The following GLDN variants were observed in gnomAD, a reference collection of about 807,000 sequenced individuals.
GLDN encodes collomin.
In GLDN, 47 loss-of-function variants were observed where a neutral mutation model predicts 56.5. The observed-to-expected ratio is 0.83, with a 90% CI of 0.66 to 1.06. The LOEUF is 1.06. Ranked by LOEUF, GLDN falls within the 50% of genes least tolerant of loss-of-function variation. The probability of loss-of-function intolerance (pLI) is 0.00; values close to 1 mark genes in which losing one functional copy is unlikely to be tolerated. For missense variants in GLDN, 782 were observed against 714.3 expected, an observed-to-expected ratio of 1.09 and a Z score of -1.08; for synonymous variants, 332 against 278.8, an observed-to-expected ratio of 1.19 and a Z score of -1.90.
chr15:51,368,364 G>A (rs1380432912), intron 1 of GLDN, among the ~76,000 whole-genome samples: 1 of 152,086 alleles, frequency 6.6e-6, no homozygotes, highest in Non-Finnish European at 1.5e-5. Context: ...AGTCAGTAGG[G>A]ACTGGGCTTT....
intron 1 of GLDN, among the ~76,000 whole-genome samples, chr15:51,343,332 T>C (rs28485857): frequency 2.5e-3 from 377 of 150,578 alleles, no homozygotes; most frequent in African/African-American, 9.1e-3. Flanking sequence ...AAGCAGAAGT[T>C]TCAAAAAAGG....
chr15:51,369,765 A>T (rs2037477901), intron 1 of GLDN, among the ~76,000 whole-genome samples: 1 of 152,242 alleles, frequency 6.6e-6, no homozygotes, highest in Non-Finnish European at 1.5e-5. Context: ...TATGAAAAGT[A>T]CACTAAAGCA....
intron 9 of GLDN, 44 bp downstream of exon 9, chr15:51,401,787 C>A (rs770336395): frequency 1.7e-5 from 27 of 1,586,356 alleles, no homozygotes; most frequent in Non-Finnish European, 2.2e-5. Context: ...CAGGCAGCAC[C>A]TGTGCTGTGG....
intron 4 of GLDN, among the ~76,000 whole-genome samples, chr15:51,388,876 C>G (rs12591997): frequency 6.6e-6 from 1 of 152,318 alleles, no homozygotes; most frequent in East Asian, 1.9e-4. Flanking sequence ...GGGCTTCAGA[C>G]ACGCTCCAAT....
At chr15:51,408,059 T>C (rs1423399919), downstream of GLDN, 1 of 152,230 alleles carries the variant, frequency 6.6e-6, no homozygotes, top group African/African-American at 2.4e-5. Context: ...TACGTAACAT[T>C]TAAAAGAAAA....
intron 1 of GLDN, chr15:51,367,340 G>A (rs2037425923): frequency 6.6e-6 from 1 of 152,268 alleles, no homozygotes; most frequent in Non-Finnish European, 1.5e-5. Flanking sequence ...TGGCGTGCAG[G>A]CGTTTGCTGG....
At chr15:51,391,705 G>A (rs1374613270) in intron 4 of GLDN, among the ~76,000 whole-genome samples, 1 of 152,204 alleles carries the variant, frequency 6.6e-6, no homozygotes, top group Non-Finnish European at 1.5e-5. Context: ...GTGCTATTGT[G>A]AGGGAGGTAT....
chr15:51,347,458 G>A (rs2036998241), intron 1 of GLDN, among the ~76,000 whole-genome samples: 1 of 152,078 alleles, frequency 6.6e-6, no homozygotes, highest in Non-Finnish European at 1.5e-5. Flanking sequence ...TAGCATTAGT[G>A]TATTTTATGT....
chr15:51,352,384 G>A (rs1428149716), intron 1 of GLDN, among the ~76,000 whole-genome samples: 1 of 152,112 alleles, frequency 6.6e-6, no homozygotes, highest in Non-Finnish European at 1.5e-5. Flanking sequence ...TTGATGATTA[G>A]GTTTCAATGT....
intron 1 of GLDN, among the ~76,000 whole-genome samples, chr15:51,344,756 T>C (rs567347346): frequency 3.9e-5 from 6 of 152,356 alleles, no homozygotes; most frequent in African/African-American, 1.4e-4. Flanking sequence ...TTATCCAAGA[T>C]GAACCTCAAT....
chr15:51,363,647 A>G (rs1595811110), intron 1 of GLDN, among the ~76,000 whole-genome samples: 1 of 152,314 alleles, frequency 6.6e-6, no homozygotes, highest in East Asian at 1.9e-4. Context: ...CACAAGCAAT[A>G]GATAATAGGA....
In GLDN at chr15:51,353,967, G is replaced by A. The variant is rs984232801; in HGVS notation, c.363+11920G>A. On this transcript the variant is annotated intron_variant, in intron 1 of 9. Transcript: ENST00000335449. ...AAAGGGAGCATTTTGCAGCCCATCC[G>A]TTGCTTTTATGTAGATCTTTAACAG... Among the ~76,000 whole-genome samples the A allele has an allele frequency of 1.7e-4, 26 of 152,262 alleles. 1 individual carries two copies. The highest frequency in any genetic ancestry group is 4.2e-4 in the South Asian group (2 of 4,818).
At chr15:51,397,940 G>A (rs2038170430) in intron 6 of GLDN, among the ~76,000 whole-genome samples, 1 of 152,224 alleles carries the variant, frequency 6.6e-6, no homozygotes, top group African/African-American at 2.4e-5. Flanking sequence ...CTTGAGAAGT[G>A]AGAAGCTTGA....
At chr15:51,379,555 C>T (rs1299192337) in intron 2 of GLDN, among the ~76,000 whole-genome samples, 2 of 152,156 alleles carry the variant, frequency 1.3e-5, no homozygotes, top group African/African-American at 2.4e-5. Flanking sequence ...TTCTGCTGTT[C>T]CAGAAAGCCA....
At chr15:51,401,914 T>C (rs2038260960) in intron 9 of GLDN, among the ~76,000 whole-genome samples, 171 bp downstream of exon 9, 1 of 152,150 alleles carries the variant, frequency 6.6e-6, no homozygotes, top group African/African-American at 2.4e-5. Flanking sequence ...GATATGTTAG[T>C]GAGCCCCATG....
chr15:51,355,326 T>G (rs1320785295), intron 1 of GLDN, among the ~76,000 whole-genome samples: 8 of 152,142 alleles, frequency 5.3e-5, no homozygotes, highest in African/African-American at 1.9e-4. Flanking sequence ...TCCTCTTCCT[T>G]TTAGCCTATA....
chr15:51,376,340 A>G (rs1460496839), intron 1 of GLDN, among the ~76,000 whole-genome samples: 2 of 152,228 alleles, frequency 1.3e-5, no homozygotes, highest in East Asian at 1.9e-4. Flanking sequence ...TAGGAAAGGT[A>G]CCATAAAACA....
At chr15:51,372,340 G>C (rs16964315) in intron 1 of GLDN, among the ~76,000 whole-genome samples, 5 of 152,070 alleles carry the variant, frequency 3.3e-5, no homozygotes, top group Non-Finnish European at 7.4e-5. Flanking sequence ...GCTACCAAAC[G>C]TTCAATGCTG....
At chr15:51,402,670 C>T (rs1180519839) in intron 9 of GLDN, among the ~76,000 whole-genome samples, 1 of 152,238 alleles carries the variant, frequency 6.6e-6, no homozygotes, top group Non-Finnish European at 1.5e-5. Flanking sequence ...TCTCCCTCAT[C>T]CTTCTCCTAC....
Sources: gnomAD v4.1 joint callset for allele counts (sites outside exome capture counted in the v4.1 genomes callset) on GRCh38, gnomAD v4.1.1 for gene constraint, MANE v1.5 for transcripts, NCBI Gene and HGNC (gene_info 2026-07-23, HGNC 2026-07-21) for gene names.